The following CNTNAP2 variants were observed in gnomAD, a reference collection of about 807,000 sequenced individuals.
The protein encoded by CNTNAP2 is contactin-associated protein-like 2.
CNTNAP2 carries 98 observed loss-of-function variants against 155.2 expected under a neutral mutation model. The ratio of observed to expected loss-of-function variants is 0.63; its 90% CI spans 0.54 to 0.75. CNTNAP2 has a LOEUF of 0.75. Among genes scored for constraint, CNTNAP2 ranks in the 30% least tolerant of loss-of-function variants. The pLI is 0.00. For missense variants in CNTNAP2, 1,727 were observed against 1,688.1 expected (o/e 1.02, Z -0.40); for synonymous variants, 651 against 631.2 (o/e 1.03, Z -0.47).
intron 1 of CNTNAP2, among the ~76,000 whole-genome samples, chr7:146,484,503 A>G (rs1429498231): frequency 1.3e-5 from 2 of 152,214 alleles, no homozygotes; most frequent in Non-Finnish European, 2.9e-5. Flanking sequence ...GCAGGATAAC[A>G]TAAATACTCA....
chr7:147,133,240 A>G (rs1223453007), intron 8 of CNTNAP2, among the ~76,000 whole-genome samples: 1 of 152,140 alleles, frequency 6.6e-6, no homozygotes, highest in Non-Finnish European at 1.5e-5. Flanking sequence ...AATTAGTCTC[A>G]ATATTGGACT....
chr7:148,315,731 C>T (rs980631367), intron 21 of CNTNAP2, among the ~76,000 whole-genome samples: 2 of 152,174 alleles, frequency 1.3e-5, no homozygotes, highest in Admixed American at 1.3e-4. Context: ...CCTTTCTAGC[C>T]TAATGAGAAT....
At chr7:147,512,078 G>C (rs1799033053) in intron 11 of CNTNAP2, among the ~76,000 whole-genome samples, 1 of 152,196 alleles carries the variant, frequency 6.6e-6, no homozygotes, top group Non-Finnish European at 1.5e-5. Flanking sequence ...ATTTTTGAGA[G>C]AAGAAATAAT....
intron 16 of CNTNAP2, among the ~76,000 whole-genome samples, chr7:148,145,522 A>G (rs1019438190): frequency 2.0e-5 from 3 of 152,142 alleles, no homozygotes; most frequent in Non-Finnish European, 4.4e-5. Context: ...CCTAAATTCT[A>G]TTTCCTTGAT....
intron 1 of CNTNAP2, among the ~76,000 whole-genome samples, chr7:146,333,816 A>G (rs566164356): frequency 6.6e-6 from 1 of 152,310 alleles, no homozygotes; most frequent in South Asian, 2.1e-4. Context: ...TGGAATCCTC[A>G]TCATTGGCTT....
chr7:148,108,109 GGGCAGGGGCAGGCACACCA>G (rs1804263199), intron 15 of CNTNAP2, among the ~76,000 whole-genome samples: 1 of 152,214 alleles, frequency 6.6e-6, no homozygotes, highest in Non-Finnish European at 1.5e-5. Context: ...GGAGGAGACA[GGGCAGGGGCAGGCACACCA>G]GGCAGGGCCT....
chr7:146,453,588 A>G (rs931172576), intron 1 of CNTNAP2, among the ~76,000 whole-genome samples: 2 of 152,176 alleles, frequency 1.3e-5, no homozygotes, highest in Non-Finnish European at 2.9e-5. Flanking sequence ...AGGAGAAAAA[A>G]ATCCAAAACA....
rs146632487 is a variant in CNTNAP2 at position 147,765,689 on chromosome 7, AC to A, written c.2098+126384del. 1.1e-3 allele frequency among the ~76,000 whole-genome samples: 173 copies of A among 152,310 alleles called. 1 individual carries two copies. The East Asian group carries it at 0.028, about 25-fold the overall frequency. On this transcript the variant is annotated intron_variant, in intron 13 of 23. Transcript: ENST00000361727. ...TATGATTGCGTATAAAGTAAAAAAAACATGTGGTTATCATTATGATACATCT... is the reference window on the plus strand; with the variant it reads ...TATGATTGCGTATAAAGTAAAAAAAAATGTGGTTATCATTATGATACATCT...
intron 14 of CNTNAP2, among the ~76,000 whole-genome samples, chr7:147,932,295 A>T (rs906326425): frequency 6.6e-6 from 1 of 152,244 alleles, no homozygotes. Flanking sequence ...TGGAGGCATC[A>T]CACTTCTTGA....
chr7:147,184,271 G>T (rs183312079), intron 8 of CNTNAP2, among the ~76,000 whole-genome samples: 2 of 152,134 alleles, frequency 1.3e-5, no homozygotes, highest in Non-Finnish European at 2.9e-5. Flanking sequence ...GGACTGGATC[G>T]CTCCTAAGGC....
chr7:147,239,467 G>A (rs541126410), intron 8 of CNTNAP2, among the ~76,000 whole-genome samples: 15 of 145,744 alleles, frequency 1.0e-4, no homozygotes, highest in East Asian at 2.0e-4. Flanking sequence ...CTGAGATTGC[G>A]CCACTGCACT....
intron 11 of CNTNAP2, among the ~76,000 whole-genome samples, chr7:147,491,212 A>T (rs537594921): frequency 6.6e-6 from 1 of 151,868 alleles, no homozygotes; most frequent in Non-Finnish European, 1.5e-5. Context: ...CTTTAACCTG[A>T]TTTCCTCCCC....
intron 13 of CNTNAP2, among the ~76,000 whole-genome samples, chr7:147,793,851 GAC>G (rs1487631940): frequency 2.0e-5 from 3 of 151,896 alleles, no homozygotes; most frequent in Admixed American, 2.0e-4. Context: ...AACAATGTTT[GAC>G]AGTTTTTAAA....
At chr7:146,393,048 G>A (rs540610674) in intron 1 of CNTNAP2, among the ~76,000 whole-genome samples, 1 of 152,270 alleles carries the variant, frequency 6.6e-6, no homozygotes, top group African/African-American at 2.4e-5. Flanking sequence ...CCGAATGACA[G>A]AGCATCAATG....
chr7:146,399,657 C>T (rs1214284502), intron 1 of CNTNAP2, among the ~76,000 whole-genome samples: 4 of 152,112 alleles, frequency 2.6e-5, no homozygotes, highest in Non-Finnish European at 5.9e-5. Context: ...CTTCAACATA[C>T]TGATGTCAGT....
chr7:146,198,775 C>CT (rs372702976), intron 1 of CNTNAP2, among the ~76,000 whole-genome samples: 410 of 146,298 alleles, frequency 2.8e-3, no homozygotes, highest in South Asian at 6.8e-3. Flanking sequence ...TGGCATAGAA[C>CT]TTTTTTTTTT....
chr7:146,971,371 G>GA (rs1797794319), intron 3 of CNTNAP2, among the ~76,000 whole-genome samples: 2 of 151,902 alleles, frequency 1.3e-5, no homozygotes. Flanking sequence ...TTCTTTTGAG[G>GA]AAAAAATAAA....
chr7:146,923,250 G>T (rs746454526), intron 3 of CNTNAP2, among the ~76,000 whole-genome samples: 1 of 152,186 alleles, frequency 6.6e-6, no homozygotes, highest in African/African-American at 2.4e-5. Context: ...GAAATACAGG[G>T]ATAAGCAGAA....
intron 11 of CNTNAP2, among the ~76,000 whole-genome samples, chr7:147,515,789 A>T (rs1308275821): frequency 6.6e-6 from 1 of 152,170 alleles, no homozygotes; most frequent in East Asian, 1.9e-4. Context: ...TACACAATAA[A>T]TATTTTTTGG....
Sources: gnomAD v4.1 joint callset for allele counts (sites outside exome capture counted in the v4.1 genomes callset) on GRCh38, gnomAD v4.1.1 for gene constraint, MANE v1.5 for transcripts, NCBI Gene and HGNC (gene_info 2026-07-23, HGNC 2026-07-21) for gene names.